CSMD1: variants seen among roughly 807,000 people sequenced by gnomAD.
CSMD1 encodes the protein CUB and Sushi multiple domains 1.
A neutral mutation model predicts 417.5 loss-of-function variants in CSMD1; 213 were observed. The observed-to-expected ratio is 0.51, with a 90% CI of 0.46 to 0.57. CSMD1 has a LOEUF of 0.57. Ranked by LOEUF, CSMD1 falls within the 20% of genes least tolerant of loss-of-function variation. CSMD1 has a pLI of 0.00. For missense variants in CSMD1, 6,923 were observed against 4,529.7 expected (o/e 1.53, Z -15.17); for synonymous variants, 2,862 against 1,736.8 (o/e 1.65, Z -16.11).
At chr8:4,275,657 T>A (rs1409147839) in intron 3 of CSMD1, among the ~76,000 whole-genome samples, 1 of 152,138 alleles carries the variant, frequency 6.6e-6, no homozygotes. Context: ...ATGCAAATAA[T>A]GCAAAAATTG....
chr8:4,737,876 T>A (rs1043809672), intron 1 of CSMD1, among the ~76,000 whole-genome samples: 1 of 152,064 alleles, frequency 6.6e-6, no homozygotes, highest in African/African-American at 2.4e-5. Context: ...AACAACAAAG[T>A]TAATCCCAGA....
intron 45 of CSMD1, 62 bp downstream of exon 45, chr8:3,107,656 G>T: frequency 1.1e-6 from 1 of 900,276 alleles, no homozygotes; most frequent in South Asian, 1.4e-5. Context: ...TGATTACAAT[G>T]AGAAGTGGGT....
chr8:4,861,546 T>C (rs1802132197), intron 1 of CSMD1, among the ~76,000 whole-genome samples: 2 of 152,110 alleles, frequency 1.3e-5, no homozygotes, highest in African/African-American at 4.8e-5. Context: ...CATAGGTGGA[T>C]GTTACGAAGA....
chr8:3,353,849 G>C (rs911560023), intron 21 of CSMD1, among the ~76,000 whole-genome samples: 1 of 152,002 alleles, frequency 6.6e-6, no homozygotes, highest in Non-Finnish European at 1.5e-5. Context: ...TTAGATTTTT[G>C]CAATTGAATG....
At chr8:4,191,273 G>T (rs1799013415) in intron 3 of CSMD1, among the ~76,000 whole-genome samples, 1 of 152,050 alleles carries the variant, frequency 6.6e-6, no homozygotes, top group Non-Finnish European at 1.5e-5. Context: ...GCAGGCACCT[G>T]TAGTCCCAGC....
At chr8:3,744,140 T>C (rs1796947910) in intron 6 of CSMD1, among the ~76,000 whole-genome samples, 1 of 152,186 alleles carries the variant, frequency 6.6e-6, no homozygotes. Context: ...TTGAGACTTG[T>C]CTCGTCACTT....
intron 1 of CSMD1, among the ~76,000 whole-genome samples, chr8:4,735,689 C>T (rs117661997): frequency 0.018 from 2,670 of 152,206 alleles, 30 homozygotes; most frequent in Middle Eastern, 0.031. Flanking sequence ...CTTATTTGAA[C>T]ACTTGACATC....
chr8:3,812,016 C>A (rs73172246), intron 5 of CSMD1, among the ~76,000 whole-genome samples: 2,839 of 150,022 alleles, frequency 0.019, 43 homozygotes, highest in Non-Finnish European at 0.031. Flanking sequence ...ATTTACTAAT[C>A]TTCTTATGCT....
At chr8:4,953,977 C>T (rs1035151187) in intron 1 of CSMD1, among the ~76,000 whole-genome samples, 1 of 152,186 alleles carries the variant, frequency 6.6e-6, no homozygotes, top group African/African-American at 2.4e-5. Flanking sequence ...GAAATACTAC[C>T]GAGATTACCA....
chr8:3,606,921 A>C (rs1212511441), intron 8 of CSMD1, among the ~76,000 whole-genome samples: 1 of 152,064 alleles, frequency 6.6e-6, no homozygotes, highest in Non-Finnish European at 1.5e-5. Context: ...CATGTTGGCC[A>C]GGATGGTCTC....
chr8:3,203,185 C>T (rs1797081267), intron 31 of CSMD1, among the ~76,000 whole-genome samples: 1 of 152,186 alleles, frequency 6.6e-6, no homozygotes, highest in Non-Finnish European at 1.5e-5. Flanking sequence ...CTATCATGCT[C>T]TAACGTGTTT....
intron 1 of CSMD1, among the ~76,000 whole-genome samples, chr8:4,851,430 A>G (rs1801474918): frequency 1.3e-5 from 2 of 150,992 alleles, no homozygotes; most frequent in African/African-American, 4.9e-5. Context: ...TTCTTCGTCA[A>G]TTTCTTAAAT....
At chr8:4,084,633 CCT>C (rs1800323268) in intron 3 of CSMD1, among the ~76,000 whole-genome samples, 1 of 152,042 alleles carries the variant, frequency 6.6e-6, no homozygotes, top group East Asian at 1.9e-4. Context: ...TTTGCCAAGC[CCT>C]CTTTAGTGAT....
chr8:4,927,421 G>C (rs952289115), intron 1 of CSMD1, among the ~76,000 whole-genome samples: 2 of 152,134 alleles, frequency 1.3e-5, no homozygotes, highest in African/African-American at 4.8e-5. Context: ...AACTGTCAGT[G>C]AGGCACAGTG....
chr8:3,301,087 C>G (rs1804366092), intron 25 of CSMD1, among the ~76,000 whole-genome samples: 1 of 151,532 alleles, frequency 6.6e-6, no homozygotes. Context: ...AGACATTTGC[C>G]ATTGATGTCT....
intron 10 of CSMD1, among the ~76,000 whole-genome samples, chr8:3,528,208 T>C (rs1325157359): frequency 1.3e-5 from 2 of 152,246 alleles, no homozygotes; most frequent in Non-Finnish European, 2.9e-5. Flanking sequence ...GTTGCACAAA[T>C]ATTAAGTACT....
At chr8:3,662,849 G>C (rs191263406) in intron 7 of CSMD1, among the ~76,000 whole-genome samples, 2 of 151,990 alleles carry the variant, frequency 1.3e-5, no homozygotes, top group African/African-American at 4.8e-5. Flanking sequence ...TGGGTAGGGG[G>C]AAAGAGGGGG....
intron 17 of CSMD1, among the ~76,000 whole-genome samples, chr8:3,390,585 C>T (rs1314039399): frequency 1.3e-5 from 2 of 152,000 alleles, no homozygotes; most frequent in Non-Finnish European, 2.9e-5. Context: ...TATTCAGAGT[C>T]TGTTCCCACT....
chr8:4,201,249 A>G (rs2131254986), intron 3 of CSMD1, among the ~76,000 whole-genome samples: 1 of 152,304 alleles, frequency 6.6e-6, no homozygotes, highest in Admixed American at 6.5e-5. Context: ...GTAAGTAAAA[A>G]AATTCAGGGC....
Sources: allele counts gnomAD v4.1 joint callset (sites outside exome capture counted in the v4.1 genomes callset), GRCh38; gene constraint gnomAD v4.1.1; transcripts MANE v1.5; gene names NCBI Gene and HGNC (gene_info 2026-07-23, HGNC 2026-07-21).